Variants in FHOD3 observed in about 807,000 individuals in gnomAD.
FHOD3 encodes formin homology 2 domain containing 3.
In FHOD3, 90 loss-of-function variants were observed where a neutral mutation model predicts 173.0. The ratio of observed to expected loss-of-function variants is 0.52; its 90% CI spans 0.44 to 0.62. FHOD3 has a LOEUF of 0.62. Among genes scored for constraint, FHOD3 ranks in the 20% least tolerant of loss-of-function variants. The probability of loss-of-function intolerance (pLI) is 0.00; values close to 1 mark genes in which losing one functional copy is unlikely to be tolerated. For missense variants in FHOD3, 1,945 were observed against 2,034.7 expected (o/e 0.96, Z 0.85); for synonymous variants, 828 against 823.0 (o/e 1.01, Z -0.10).
rs199737141 is a variant in FHOD3, at chr18:36,742,830, A to G, written c.3853A>G (p.Ile1285Val). 1 of 1,613,510 alleles carries G rather than the reference A, an allele frequency of 6.2e-7. No individual in the cohort carries two copies. Among genetic ancestry groups the G allele is most frequent in the Non-Finnish European group, 8.5e-7 (1 of 1,179,846 alleles). ...LGFILSTLLA[I>V]GNFLNGTNAK... is the part of the protein sequence containing the mutation. ...CTTTATCCTGTCTACTCTCTTAGCCATTGGGAACTTTCTAAATGGAACTAA... is the reference window on the plus strand; with the variant it reads ...CTTTATCCTGTCTACTCTCTTAGCCGTTGGGAACTTTCTAAATGGAACTAA... The change falls in exon 22 of 29, where the codon ATT becomes GTT. Residue 1285 changes from isoleucine (I) to valine (V), a missense_variant. Physicochemically the swap from Ile to Val is conservative, Grantham distance 29 (BLOSUM62 3). Transcript: ENST00000590592.
intron 3 of FHOD3, among the ~76,000 whole-genome samples, chr18:36,474,218 C>G (rs1214217970): frequency 2.6e-5 from 4 of 152,158 alleles, no homozygotes; most frequent in Non-Finnish European, 5.9e-5. Context: ...GACAAGTAGA[C>G]TCCAAAAGAT....
intron 6 of FHOD3, among the ~76,000 whole-genome samples, chr18:36,579,298 A>G (rs916439518): frequency 6.6e-6 from 1 of 152,202 alleles, no homozygotes. Context: ...TGGTTTTATG[A>G]TGGCCATGAT....
intron 2 of FHOD3, among the ~76,000 whole-genome samples, chr18:36,364,140 A>G (rs2046771734): frequency 6.6e-6 from 1 of 152,192 alleles, no homozygotes; most frequent in African/African-American, 2.4e-5. Flanking sequence ...TTGTCATATC[A>G]AGACAGGGAG....
At chr18:36,615,789 A>G (rs1280132769) in intron 9 of FHOD3, among the ~76,000 whole-genome samples, 2 of 152,232 alleles carry the variant, frequency 1.3e-5, no homozygotes, top group Non-Finnish European at 2.9e-5. Flanking sequence ...TATGGTCTTC[A>G]CTGGATAGAA....
intron 14 of FHOD3, among the ~76,000 whole-genome samples, chr18:36,668,715 G>C (rs931131674): frequency 2.6e-5 from 4 of 151,760 alleles, no homozygotes; most frequent in Non-Finnish European, 5.9e-5. Context: ...TAAGTTCTCT[G>C]TCAATTTTTA....
At chr18:36,595,522 G>T (rs75255742) in intron 7 of FHOD3, among the ~76,000 whole-genome samples, 3 of 152,198 alleles carry the variant, frequency 2.0e-5, no homozygotes, top group East Asian at 3.9e-4. Context: ...CTTACCTTGG[G>T]CATGTGCTTT....
At chr18:36,747,778 C>T (rs774462242) in intron 24 of FHOD3, among the ~76,000 whole-genome samples, 2 of 152,222 alleles carry the variant, frequency 1.3e-5, no homozygotes, top group Non-Finnish European at 2.9e-5. Flanking sequence ...AGTGGTAGCC[C>T]GAAGACTAGA....
intron 14 of FHOD3, among the ~76,000 whole-genome samples, chr18:36,672,795 G>A (rs1404627781): frequency 6.6e-6 from 1 of 152,210 alleles, no homozygotes; most frequent in Non-Finnish European, 1.5e-5. Flanking sequence ...CCCGCTGACT[G>A]TTGAGTTTAA....
At chr18:36,732,220 G>A (rs1316790950) in intron 20 of FHOD3, among the ~76,000 whole-genome samples, 1 of 152,184 alleles carries the variant, frequency 6.6e-6, no homozygotes, top group Non-Finnish European at 1.5e-5. Context: ...TTCATCCCCT[G>A]GGGCCTTCAG....
intron 3 of FHOD3, among the ~76,000 whole-genome samples, chr18:36,499,789 G>A (rs955603143): frequency 2.6e-5 from 4 of 152,164 alleles, no homozygotes; most frequent in African/African-American, 9.7e-5. Flanking sequence ...ATTGGGGATG[G>A]TTGATTCCTC....
intron 3 of FHOD3, among the ~76,000 whole-genome samples, chr18:36,443,445 T>G (rs2051269113): frequency 6.6e-6 from 1 of 152,240 alleles, no homozygotes; most frequent in Admixed American, 6.5e-5. Flanking sequence ...CTCAAATTGT[T>G]CCAGATTTGA....
chr18:36,398,027 T>G (rs1434948782), intron 3 of FHOD3, among the ~76,000 whole-genome samples: 2 of 152,040 alleles, frequency 1.3e-5, no homozygotes, highest in Non-Finnish European at 2.9e-5. Flanking sequence ...ATCTGGCTAC[T>G]AGGCTACCCA....
intron 5 of FHOD3, among the ~76,000 whole-genome samples, chr18:36,542,748 A>G (rs2057273157): frequency 6.6e-6 from 1 of 152,202 alleles, no homozygotes; most frequent in Non-Finnish European, 1.5e-5. Flanking sequence ...CAAATTGCCA[A>G]AGATGGTTTA....
At chr18:36,653,061 G>A (rs759401956) in intron 12 of FHOD3, 132 bp downstream of exon 12, 99 of 1,268,504 alleles carry the variant, frequency 7.8e-5, no homozygotes, top group Non-Finnish European at 9.5e-5. Flanking sequence ...AGCAGTTGTG[G>A]CATAAACTTA....
chr18:36,464,137 G>T (rs1460797670), intron 3 of FHOD3, among the ~76,000 whole-genome samples: 2 of 152,124 alleles, frequency 1.3e-5, no homozygotes, highest in East Asian at 3.9e-4. Context: ...CGTATCTGTG[G>T]CCAGGTTGAT....
chr18:36,779,503 G>A lies in FHOD3; in HGVS notation c.4842G>A (p.Leu1614=), dbSNP rs996135802. The A allele has an allele frequency of 1.9e-6, 3 of 1,614,182 alleles. No individual in the cohort carries two copies. Among genetic ancestry groups the A allele is most frequent in the Non-Finnish European group, 2.5e-6 (3 of 1,180,040 alleles). The change falls in exon 29 of 29, where the codon TTG becomes TTA. Residue 1614 remains leucine, a synonymous_variant. Coordinates refer to ENST00000590592, the MANE Select transcript of FHOD3 (RefSeq NM_001281740.3). ...LTPEEARALG[L]VGTSELQL Reference sequence around the variant, plus strand: ...CAGAAGAAGCCAGAGCCCTGGGCTTGGTTGGCACCTCGGAGTTGCAGCTGT... The same window carrying A: ...CAGAAGAAGCCAGAGCCCTGGGCTTAGTTGGCACCTCGGAGTTGCAGCTGT...
intron 1 of FHOD3, among the ~76,000 whole-genome samples, chr18:36,348,948 C>T (rs2045990694): frequency 6.6e-6 from 1 of 152,156 alleles, no homozygotes. Context: ...AAGTTGTTTT[C>T]CCTGTCGGCT....
At chr18:36,493,162 C>G (rs1278626392) in intron 3 of FHOD3, among the ~76,000 whole-genome samples, 1 of 151,898 alleles carries the variant, frequency 6.6e-6, no homozygotes, top group Non-Finnish European at 1.5e-5. Context: ...GCATCCATAT[C>G]CCTGAAATTG....
intron 28 of FHOD3, among the ~76,000 whole-genome samples, chr18:36,777,461 G>A (rs1198102269): frequency 6.6e-6 from 1 of 152,046 alleles, no homozygotes; most frequent in Non-Finnish European, 1.5e-5. Context: ...CCAAAGTGCT[G>A]GGATTACAGG....
Sources: allele counts gnomAD v4.1 joint callset (sites outside exome capture counted in the v4.1 genomes callset), GRCh38; gene constraint gnomAD v4.1.1; transcripts MANE v1.5; gene names NCBI Gene and HGNC (gene_info 2026-07-23, HGNC 2026-07-21).